Variants in DST observed in about 807,000 individuals in gnomAD.
DST encodes the protein dystonin, also known as bullous pemphigoid antigen.
A neutral mutation model predicts 875.2 loss-of-function variants in DST; 253 were observed. The ratio of observed to expected loss-of-function variants is 0.29; its 90% CI spans 0.26 to 0.32. The LOEUF (loss-of-function observed/expected upper bound fraction) is 0.32, where lower values mean the gene tolerates loss of function less well. Ranked by LOEUF, DST falls within the 10% of genes least tolerant of loss-of-function variation. The probability of loss-of-function intolerance (pLI) is 1.00; values close to 1 mark genes in which losing one functional copy is unlikely to be tolerated. For synonymous variants in DST, 3,124 were observed against 3,197.1 expected, an observed-to-expected ratio of 0.98 and a Z score of 0.77; for missense variants, 8,287 against 9,111.6, an observed-to-expected ratio of 0.91 and a Z score of 3.68.
At chr6:56,885,320 C>T (rs1784227034) in intron 3 of DST, among the ~76,000 whole-genome samples, 1 of 152,124 alleles carries the variant, frequency 6.6e-6, no homozygotes, top group African/African-American at 2.4e-5. Context: ...AATTCATGTG[C>T]CAGGGTTCAA....
intron 87 of DST, among the ~76,000 whole-genome samples, chr6:56,486,057 C>A (rs1203395780): frequency 6.6e-6 from 1 of 152,050 alleles, no homozygotes; most frequent in Non-Finnish European, 1.5e-5. Context: ...CATGCTGTGG[C>A]TGAGGAATTT....
rs2152566652 is a variant in DST, at chr6:56,561,374, T to C, written c.14244A>G (p.Thr4748=). The change falls in exon 57 of 104, where the codon ACA becomes ACG. Residue 4748 remains threonine, a synonymous_variant. Coordinates refer to ENST00000680361, the MANE Select transcript of DST (RefSeq NM_001374736.1). ...QWLQKMNKTA[T]KWQQTPAPTD... is the part of the protein sequence containing the mutation. ...TAGGTGCAGGTGTCTGCTGCCATTTTGTTGCAGTTTTGTTCATTTTCTGTA... is the reference window on the plus strand; with the variant it reads ...TAGGTGCAGGTGTCTGCTGCCATTTCGTTGCAGTTTTGTTCATTTTCTGTA... 6.2e-7 allele frequency: 1 copy of C among 1,613,874 alleles called. No homozygotes were observed. The highest frequency in any genetic ancestry group is 8.5e-7 in the Non-Finnish European group (1 of 1,179,796).
intron 4 of DST, among the ~76,000 whole-genome samples, chr6:56,794,100 T>C (rs1240117565): frequency 6.6e-6 from 1 of 152,174 alleles, no homozygotes; most frequent in African/African-American, 2.4e-5. Flanking sequence ...AATTTAACTT[T>C]CAGTCCAACT....
chr6:56,511,494 C>G (rs1357150576), intron 72 of DST, 94 bp from the exon 73 acceptor site: 1 of 970,358 alleles, frequency 1.0e-6, no homozygotes, highest in Non-Finnish European at 1.5e-6. Context: ...GCAAGAAACT[C>G]CAAACAAACC....
intron 10 of DST, among the ~76,000 whole-genome samples, chr6:56,663,949 ATTAT>A (rs990027848): frequency 2.6e-5 from 4 of 152,102 alleles, no homozygotes; most frequent in Non-Finnish European, 5.9e-5. Context: ...TAAAAGGAAA[ATTAT>A]TTATTTATTT....
At chr6:56,758,545 C>T (rs371635676) in intron 4 of DST, among the ~76,000 whole-genome samples, 157 of 152,288 alleles carry the variant, frequency 1.0e-3, no homozygotes, top group African/African-American at 3.6e-3. Context: ...ACAAGGGGGG[C>T]AGGTTGCTGC....
chr6:56,803,770 G>C (rs1452264975), intron 4 of DST, among the ~76,000 whole-genome samples: 1 of 152,132 alleles, frequency 6.6e-6, no homozygotes, highest in Non-Finnish European at 1.5e-5. Context: ...TTAAAGCTTA[G>C]AACAACTCCC....
chr6:56,588,198 A>G (rs1433604954), intron 49 of DST, among the ~76,000 whole-genome samples: 1 of 152,232 alleles, frequency 6.6e-6, no homozygotes, highest in Non-Finnish European at 1.5e-5. Context: ...AGCATGCTAT[A>G]GTCTAAAAGG....
intron 102 of DST, chr6:56,461,224 A>T (rs1049263287): frequency 6.6e-6 from 1 of 152,060 alleles, no homozygotes; most frequent in African/African-American, 2.4e-5. Flanking sequence ...ATTTATCTAC[A>T]TATGTGTATA....
chr6:56,557,608 A>G lies in DST; in HGVS notation c.14441-90T>C, dbSNP rs1016378194. The G allele has an allele frequency of 5.1e-6, 5 of 983,916 alleles. No individual in the cohort carries two copies. The African/African-American group carries it at 8.2e-5, about 16-fold the overall frequency. The allele number at this position is 983,916 out of a possible 1,614,324, so 60.9% of individuals were successfully genotyped here. On this transcript the variant is annotated intron_variant, in intron 58 of 103. Transcript: ENST00000680361. ...GGACTGTATGGTATGATTTAAAATG[A>G]TATATAATGGCTATAATCCCATTTT...
chr6:56,517,347 T>C (rs973458040), intron 70 of DST, 42 bp from the exon 71 acceptor site: 1 of 1,594,570 alleles, frequency 6.3e-7, no homozygotes. Flanking sequence ...AAACAAGAAA[T>C]TGTATGACTA....
chr6:56,851,739 G>T, intron 3 of DST, 135 bp from the exon 4 acceptor site: 4 of 1,551,736 alleles, frequency 2.6e-6, no homozygotes, highest in Non-Finnish European at 3.5e-6. Context: ...CACCATCCTC[G>T]GAGCTGAGGG....
At chr6:56,503,972 T>C in intron 78 of DST, 25 bp downstream of exon 78, 1 of 1,537,126 alleles carries the variant, frequency 6.5e-7, no homozygotes, top group East Asian at 2.3e-5. Context: ...AAGGGAGTCT[T>C]CGATAAATTA....
intron 27 of DST, among the ~76,000 whole-genome samples, chr6:56,633,324 T>A (rs984344513): frequency 2.0e-5 from 3 of 148,762 alleles, no homozygotes; most frequent in Admixed American, 1.3e-4. Flanking sequence ...CCTCCCGGGT[T>A]CACGCCATTC....
chr6:56,482,751 TG>T lies in DST; in HGVS notation c.21333del (p.Ser7111ArgfsTer18). Reference protein sequence around the residue: ...SWVKVQMQELSTRWETVCALS... With the variant: ...SWVKVQMQELXTRWETVCALS... ...AGTGCACACACGGTCTCCCAGCGTGTGCTTAATTCCTGCATCTGGACCTTGA... is the reference window on the plus strand; with the variant it reads ...AGTGCACACACGGTCTCCCAGCGTGTCTTAATTCCTGCATCTGGACCTTGA... On this transcript the variant is annotated frameshift_variant, in exon 89 of 104. Coordinates refer to ENST00000680361, the MANE Select transcript of DST (RefSeq NM_001374736.1). LOFTEE classifies it high-confidence loss of function. 6.2e-7 allele frequency: 1 copy of T among 1,613,950 alleles called. No individual in the cohort carries two copies. The highest frequency in any genetic ancestry group is 8.5e-7 in the Non-Finnish European group (1 of 1,179,854).
intron 12 of DST, among the ~76,000 whole-genome samples, chr6:56,649,105 T>C (rs1467823794): frequency 6.6e-6 from 1 of 152,172 alleles, no homozygotes; most frequent in Non-Finnish European, 1.5e-5. Flanking sequence ...AAATCTACTA[T>C]GTATCTCAAA....
At chr6:56,707,999 C>T (rs919719241) in intron 5 of DST, among the ~76,000 whole-genome samples, 5 of 152,176 alleles carry the variant, frequency 3.3e-5, no homozygotes, top group African/African-American at 1.2e-4. Context: ...AAAACCCCAT[C>T]TCTACTAAAA....
intron 60 of DST, 28 bp from the exon 61 acceptor site, chr6:56,553,683 A>G (rs1333492077): frequency 1.3e-6 from 2 of 1,578,218 alleles, no homozygotes; most frequent in African/African-American, 1.4e-5. Context: ...AGATATGTTT[A>G]TTTTACATCA....
In DST at chr6:56,494,129, G is replaced by C; in HGVS notation, c.20275C>G (p.Gln6759Glu). The change falls in exon 83 of 104, where the codon CAG becomes GAG. Residue 6759 changes from glutamine to glutamate, a missense_variant. Coordinates refer to ENST00000680361, the MANE Select transcript of DST (RefSeq NM_001374736.1). ...AKEETYKSLM[Q>E]KGQQMLARCP... ...CTTGCAAGCATCTGCTGGCCTTTCT[G>C]CATCAGACTCTTATATGTTTCTTCT... The C allele has an allele frequency of 6.2e-7, 1 of 1,611,154 alleles. No individual in the cohort carries two copies. Among genetic ancestry groups the C allele is most frequent in the Non-Finnish European group, 8.5e-7 (1 of 1,178,182 alleles).
Sources: gnomAD v4.1 joint callset for allele counts (sites outside exome capture counted in the v4.1 genomes callset) on GRCh38, gnomAD v4.1.1 for gene constraint, MANE v1.5 for transcripts, NCBI Gene and HGNC (gene_info 2026-07-23, HGNC 2026-07-21) for gene names.